The following MOK variants were observed in gnomAD, a reference collection of about 807,000 sequenced individuals.
The protein encoded by MOK is MAPK/MAK/MRK overlapping kinase.
A neutral mutation model predicts 54.2 loss-of-function variants in MOK; 59 were observed. The observed-to-expected ratio is 1.09, with a 90% CI of 0.88 to 1.35. The LOEUF (loss-of-function observed/expected upper bound fraction) is 1.35, where lower values mean the gene tolerates loss of function less well. Among genes scored for constraint, MOK ranks in the 40% most tolerant of loss-of-function variants. The pLI, the probability that MOK is intolerant of heterozygous loss-of-function variation, is 0.00. For missense variants in MOK, 517 were observed against 526.2 expected, an observed-to-expected ratio of 0.98 and a Z score of 0.17; for synonymous variants, 210 against 202.7, an observed-to-expected ratio of 1.04 and a Z score of -0.31.
rs2065133963 is a variant in MOK, at chr14:102,235,422, AGT to A, written c.591-1635_591-1634del. 6.6e-6 allele frequency: 1 copy of A among 152,280 alleles called. No individual in the cohort carries two copies. Among genetic ancestry groups the A allele is most frequent in the Non-Finnish European group, 1.5e-5 (1 of 68,072 alleles). 9.4% of individuals were successfully genotyped at this position (152,280 alleles called of 1,614,324 possible). ...CCCTCCTTCCGGAAGAAAAGGAAAGAGTGTGGCTTGCAGCCCAGGCCCATGCC... is the reference window on the plus strand; with the variant it reads ...CCCTCCTTCCGGAAGAAAAGGAAAGAGTGGCTTGCAGCCCAGGCCCATGCC... On this transcript the variant is annotated intron_variant, in intron 7 of 11. Coordinates refer to ENST00000361847, the MANE Select transcript of MOK (RefSeq NM_014226.3). This position sits in a 1 kb window ranked among gnomAD's most constrained non-coding sequence, Gnocchi z 4.4.
chr14:102,293,531 T>G (rs1029820878), intron 1 of MOK, among the ~76,000 whole-genome samples: 26 of 151,284 alleles, frequency 1.7e-4, no homozygotes, highest in Non-Finnish European at 3.4e-4. Flanking sequence ...AAACCCTGTC[T>G]CTACTAAAAA....
intron 2 of MOK, among the ~76,000 whole-genome samples, chr14:102,279,655 A>G (rs528291676): frequency 2.0e-4 from 31 of 152,100 alleles, no homozygotes; most frequent in Non-Finnish European, 3.7e-4. Context: ...GGTGGAGGAA[A>G]ATTCTGAGGA....
At chr14:102,215,873 C>T in the MOK span, among the ~76,000 whole-genome samples, 3 of 152,292 alleles carry the variant, frequency 2.0e-5, no homozygotes, top group South Asian at 2.1e-4. Context: ...TCTTGACAGA[C>T]GACGTAGCTG....
chr14:102,282,737 C>G (rs2069582691), intron 2 of MOK, among the ~76,000 whole-genome samples: 1 of 148,290 alleles, frequency 6.7e-6, no homozygotes, highest in African/African-American at 2.5e-5. Flanking sequence ...CTGTCTCAAA[C>G]AAAACAAAAC....
rs1026165275 is a variant in MOK, at chr14:102,229,131, G to A, written c.*158C>T. 1.1e-5 allele frequency: 8 copies of A among 709,670 alleles called. No individual in the cohort carries two copies. In the East Asian group the frequency reaches 2.2e-4, roughly 20 times the overall value. The allele number at this position is 709,670 out of a possible 1,614,324, so 44.0% of individuals were successfully genotyped here. A position where few individuals can be genotyped will look rare whatever the true frequency, so the allele number is the denominator to read the frequency against. On this transcript the variant is annotated 3_prime_UTR_variant, in exon 12 of 12. Transcript: ENST00000361847. ...TCCTAGGCAGCTGCGCGGGCCGCGG[G>A]TGCGGCAGGGCGCAGGGCAGCACCC...
intron 4 of MOK, among the ~76,000 whole-genome samples, chr14:102,259,786 T>A (rs1301572421): frequency 6.6e-6 from 1 of 152,062 alleles, no homozygotes; most frequent in African/African-American, 2.4e-5. Context: ...TGGCTCACGC[T>A]TGTAATCCCA....
At chr14:102,219,800 C>T (rs2063677231), downstream of MOK, among the ~76,000 whole-genome samples, 1 of 152,222 alleles carries the variant, frequency 6.6e-6, no homozygotes, top group Non-Finnish European at 1.5e-5. Flanking sequence ...GCGAAGCCTG[C>T]TAACGGGAAC....
chr14:102,274,669 A>C (rs1397087826), intron 2 of MOK, among the ~76,000 whole-genome samples: 3 of 152,030 alleles, frequency 2.0e-5, no homozygotes, highest in Non-Finnish European at 4.4e-5. Context: ...ACAGTAGGCA[A>C]AACTGTCTTT....
chr14:102,277,656 A>G (rs1371096813), intron 2 of MOK, among the ~76,000 whole-genome samples: 1 of 152,126 alleles, frequency 6.6e-6, no homozygotes, highest in Non-Finnish European at 1.5e-5. Flanking sequence ...GAACAACAGT[A>G]ATGATGAATC....
intron 1 of MOK, among the ~76,000 whole-genome samples, chr14:102,287,820 A>ATTTTTTT: frequency 8.5e-6 from 1 of 117,922 alleles, no homozygotes; most frequent in Non-Finnish European, 1.7e-5. Context: ...GTTCTTTGAG[A>ATTTTTTT]TTTTTTTTTT....
At chr14:102,239,416 T>C (rs1327825989) in intron 7 of MOK, among the ~76,000 whole-genome samples, 2 of 152,080 alleles carry the variant, frequency 1.3e-5, no homozygotes. Flanking sequence ...CCCTTTCCTC[T>C]TACAAAACAG....
At chr14:102,222,768 C>A, downstream of MOK, 2 of 1,590,318 alleles carry the variant, frequency 1.3e-6, no homozygotes, top group Non-Finnish European at 1.7e-6. The surrounding 1 kb of genome is among the most constrained non-coding windows in gnomAD (Gnocchi z 4.4). Context: ...GCGGAGGGCG[C>A]GCATGGTGGC....
intron 4 of MOK, among the ~76,000 whole-genome samples, 153 bp from the exon 5 acceptor site, chr14:102,252,148 G>A (rs2066582097): frequency 6.6e-6 from 1 of 152,120 alleles, no homozygotes; most frequent in Non-Finnish European, 1.5e-5. Context: ...TATGTAGTGT[G>A]CCTACAAAAC....
chr14:102,292,011 A>G (rs2070809434), intron 1 of MOK, among the ~76,000 whole-genome samples: 1 of 152,000 alleles, frequency 6.6e-6, no homozygotes, highest in African/African-American at 2.4e-5. Flanking sequence ...CACCAGCTAT[A>G]TACCACACAC....
At chr14:102,224,451 A>G (rs2064162626), downstream of MOK, 2 of 394,614 alleles carry the variant, frequency 5.1e-6, no homozygotes, top group African/African-American at 2.1e-5. Flanking sequence ...TGCAGCTACC[A>G]AGCAGAAGAA....
chr14:102,224,036 G>GTTTTT (rs1184725386), downstream of MOK, among the ~76,000 whole-genome samples: 1 of 139,442 alleles, frequency 7.2e-6, no homozygotes, highest in Non-Finnish European at 1.6e-5. Context: ...GTTTACCTGA[G>GTTTTT]ATTTTTTTTT....
chr14:102,290,295 C>G (rs762427349), intron 1 of MOK, among the ~76,000 whole-genome samples: 7 of 151,786 alleles, frequency 4.6e-5, no homozygotes, highest in Non-Finnish European at 7.4e-5. Flanking sequence ...CAAAATTAGC[C>G]GGGTGTGGTG....
At chr14:102,286,167 C>T (rs1328596105) in intron 1 of MOK, among the ~76,000 whole-genome samples, 1 of 151,022 alleles carries the variant, frequency 6.6e-6, no homozygotes, top group African/African-American at 2.4e-5. Context: ...GGCGTGGTGG[C>T]GGGTGCCTGT....
At position 102,251,967 on chromosome 14, in the gene MOK, T is replaced by G; in HGVS notation, c.312A>C (p.Lys104Asn). The part of the protein sequence containing the change: ...RGRRYPLSEK[K>N]IMHYMYQLCK... ...ATAACTGGTACATATAGTGCATAAT[T>G]TTTTTTTCTGATAATGGGTATCTTC... Residue 104 changes from lysine (K) to asparagine (N), a missense_variant, in exon 5 of 12, where the codon AAA becomes AAC. Physicochemically the swap from Lys to Asn is moderately conservative, Grantham distance 94. Coordinates refer to ENST00000361847, the MANE Select transcript of MOK (RefSeq NM_014226.3). 6.2e-7 allele frequency: 1 copy of G among 1,605,320 alleles called. No homozygotes were observed. Among genetic ancestry groups the G allele is most frequent in the Non-Finnish European group, 8.5e-7 (1 of 1,172,916 alleles).
Sources: gnomAD v4.1 joint callset for allele counts (sites outside exome capture counted in the v4.1 genomes callset) on GRCh38, gnomAD v4.1.1 for gene constraint, Gnocchi (gnomAD v3.1) non-coding constraint, MANE v1.5 for transcripts, NCBI Gene and HGNC (gene_info 2026-07-23, HGNC 2026-07-21) for gene names.